Variants in MYO6 observed in about 807,000 individuals in gnomAD.
MYO6 encodes myosin VI, also known as unconventional myosin-VI.
In MYO6, 74 loss-of-function variants were observed where a neutral mutation model predicts 178.7. The ratio of observed to expected loss-of-function variants is 0.41; its 90% CI spans 0.34 to 0.50. The LOEUF is 0.50. Ranked by LOEUF, MYO6 falls within the 20% of genes least tolerant of loss-of-function variation. The probability of loss-of-function intolerance (pLI) is 0.09; values close to 1 mark genes in which losing one functional copy is unlikely to be tolerated. For missense variants in MYO6, 1,330 were observed against 1,547.4 expected, an observed-to-expected ratio of 0.86 and a Z score of 2.36; for synonymous variants, 477 against 504.6, an observed-to-expected ratio of 0.95 and a Z score of 0.73.
chr6:75,884,545 A>G (rs1156519600), intron 23 of MYO6, among the ~76,000 whole-genome samples: 2 of 152,190 alleles, frequency 1.3e-5, no homozygotes, highest in Non-Finnish European at 2.9e-5. Flanking sequence ...TGATTTATCA[A>G]GATAGGAATT....
intron 4 of MYO6, 68 bp from the exon 5 acceptor site, chr6:75,830,348 T>G: frequency 1.1e-4 from 166 of 1,455,074 alleles, no homozygotes; most frequent in Non-Finnish European, 1.4e-4. Context: ...ATTTTTTCTA[T>G]GAGCTTTGTT....
At chr6:75,850,267 GA>G (rs928630568) in intron 11 of MYO6, among the ~76,000 whole-genome samples, 4 of 151,160 alleles carry the variant, frequency 2.6e-5, no homozygotes, top group East Asian at 1.9e-4. Flanking sequence ...AAGAAGACAG[GA>G]AAAAAAAGAA....
At chr6:75,766,530 T>G (rs1233852476) in intron 1 of MYO6, among the ~76,000 whole-genome samples, 1 of 152,118 alleles carries the variant, frequency 6.6e-6, no homozygotes, top group East Asian at 1.9e-4. Flanking sequence ...AGGCAGTCCT[T>G]TACTACAAGG....
At chr6:75,900,449 G>C (rs1277623188) in intron 30 of MYO6, among the ~76,000 whole-genome samples, 12 of 152,166 alleles carry the variant, frequency 7.9e-5, no homozygotes, top group Admixed American at 1.3e-4. Context: ...GAGATGGTAT[G>C]TCATTGTGGT....
In MYO6 at chr6:75,840,626, C is replaced by T. The variant is rs150820400; in HGVS notation, c.595C>T (p.Arg199Cys). Reference protein sequence around the residue: ...LEAFGNAKTVRNNNSSRFGKF... With the variant: ...LEAFGNAKTVCNNNSSRFGKF... ...AGCCTTTGGAAATGCGAAGACTGTT[C>T]GCAACAATAATAGCAGTCGATTTGG... The change falls in exon 8 of 35, where the codon CGC becomes TGC. Residue 199 changes from arginine (R) to cysteine (C), a missense_variant. Physicochemically the swap from Arg to Cys is radical, Grantham distance 180 (BLOSUM62 -3). Around this residue, in one of 3 missense-constraint regions of MYO6, gnomAD observed 613 missense variants for 816.8 expected, o/e 0.75. Coordinates refer to ENST00000369977, the MANE Select transcript of MYO6 (RefSeq NM_004999.4). 3.2e-5 allele frequency: 51 copies of T among 1,613,686 alleles called. No homozygotes were observed. Among genetic ancestry groups the T allele is most frequent in the South Asian group, 5.5e-5 (5 of 91,064 alleles).
chr6:75,892,425 C>G (rs1037373666), intron 27 of MYO6, 105 bp from the exon 28 acceptor site: 1 of 1,447,914 alleles, frequency 6.9e-7, no homozygotes, highest in Non-Finnish European at 9.7e-7. Context: ...TAGTAAAGAA[C>G]TTGTATGGGG....
intron 30 of MYO6, among the ~76,000 whole-genome samples, chr6:75,904,641 C>A (rs1780118460): frequency 6.6e-6 from 1 of 152,036 alleles, no homozygotes; most frequent in Admixed American, 6.6e-5. Flanking sequence ...AAATTTTTTT[C>A]AAAGTTTTCA....
At chr6:75,888,951 A>G (rs1466668233) in intron 25 of MYO6, among the ~76,000 whole-genome samples, 2 of 152,138 alleles carry the variant, frequency 1.3e-5, no homozygotes, top group Admixed American at 1.3e-4. Context: ...GGAGTTGAAG[A>G]CTTTTCTATA....
chr6:75,895,196 G>T (rs771331002), intron 28 of MYO6, 35 bp from the exon 29 acceptor site: 35 of 1,542,008 alleles, frequency 2.3e-5, no homozygotes, highest in Non-Finnish European at 1.8e-6. Context: ...TTCACAATTG[G>T]TTACGATATT....
At chr6:75,892,777 G>A (rs931665862) in intron 28 of MYO6, 87 bp downstream of exon 28, 20 of 1,421,292 alleles carry the variant, frequency 1.4e-5, no homozygotes, top group Non-Finnish European at 1.8e-5. Flanking sequence ...AAGGGAATAG[G>A]AGAAAATAAT....
intron 1 of MYO6, among the ~76,000 whole-genome samples, chr6:75,758,009 G>T (rs907537121): frequency 9.2e-6 from 1 of 108,198 alleles, no homozygotes; most frequent in East Asian, 2.9e-4. Flanking sequence ...ATGGAGTCTC[G>T]TTCTGTTGCC....
At chr6:75,872,738 G>A (rs1777250457) in intron 19 of MYO6, among the ~76,000 whole-genome samples, 1 of 151,072 alleles carries the variant, frequency 6.6e-6, no homozygotes, top group Admixed American at 6.6e-5. Context: ...AATTCAAAAA[G>A]TCATTGTAAG....
At chr6:75,870,047 G>A (rs988126443) in intron 18 of MYO6, among the ~76,000 whole-genome samples, 2 of 151,960 alleles carry the variant, frequency 1.3e-5, no homozygotes, top group African/African-American at 4.8e-5. Flanking sequence ...CCGGGAGGTG[G>A]AGCTTGCAGT....
chr6:75,801,047 A>G (rs1224362226), intron 1 of MYO6, among the ~76,000 whole-genome samples: 1 of 152,190 alleles, frequency 6.6e-6, no homozygotes, highest in African/African-American at 2.4e-5. Context: ...TAGCATATTA[A>G]TAACATTGAT....
chr6:75,791,996 A>G (rs751957341), intron 1 of MYO6, among the ~76,000 whole-genome samples: 3 of 152,216 alleles, frequency 2.0e-5, no homozygotes, highest in Non-Finnish European at 4.4e-5. Context: ...GGGTTGGCAC[A>G]GTTCAGTTGA....
intron 6 of MYO6, among the ~76,000 whole-genome samples, chr6:75,834,466 C>CA (rs1447774985): frequency 1.3e-5 from 2 of 152,096 alleles, no homozygotes; most frequent in African/African-American, 2.4e-5. Context: ...CTCCTGGACT[C>CA]AAGTGATGCT....
intron 13 of MYO6, among the ~76,000 whole-genome samples, 166 bp from the exon 14 acceptor site, chr6:75,858,734 GTT>G (rs777535040): frequency 7.9e-5 from 12 of 152,182 alleles, no homozygotes; most frequent in East Asian, 7.7e-4. Context: ...TGCCTATAAA[GTT>G]TTGTCTTGAA....
chr6:75,790,078 T>C (rs1265562566), intron 1 of MYO6, among the ~76,000 whole-genome samples: 3 of 152,320 alleles, frequency 2.0e-5, no homozygotes, highest in African/African-American at 7.2e-5. Flanking sequence ...TCATTCTTTT[T>C]TGTGGCGGAA....
At chr6:75,843,179 T>A (rs1162843460) in intron 9 of MYO6, among the ~76,000 whole-genome samples, 6 of 152,184 alleles carry the variant, frequency 3.9e-5, no homozygotes, top group Non-Finnish European at 7.3e-5. Flanking sequence ...AGCCCTCTGG[T>A]TATAATTGAG....
Sources: allele counts gnomAD v4.1 joint callset (sites outside exome capture counted in the v4.1 genomes callset), GRCh38; gene constraint gnomAD v4.1.1; regional missense constraint gnomAD v4.1.1; transcripts MANE v1.5; gene names NCBI Gene and HGNC (gene_info 2026-07-23, HGNC 2026-07-21).